Variants in BAZ2B observed in about 807,000 individuals in gnomAD.
The protein encoded by BAZ2B is bromodomain adjacent to zinc finger domain 2B.
A neutral mutation model predicts 246.0 loss-of-function variants in BAZ2B; 91 were observed. The ratio of observed to expected loss-of-function variants is 0.37; its 90% CI spans 0.31 to 0.44. The LOEUF (loss-of-function observed/expected upper bound fraction) is 0.44, where lower values mean the gene tolerates loss of function less well. Ranked by LOEUF, BAZ2B falls within the 20% of genes least tolerant of loss-of-function variation. The pLI is 1.00. For synonymous variants in BAZ2B, 855 were observed against 860.0 expected, an observed-to-expected ratio of 0.99 and a Z score of 0.10; for missense variants, 2,332 against 2,533.7, an observed-to-expected ratio of 0.92 and a Z score of 1.71.
intron 2 of BAZ2B, among the ~76,000 whole-genome samples, chr2:159,530,960 C>T (rs1291162680): frequency 1.3e-5 from 2 of 148,886 alleles, no homozygotes; most frequent in Non-Finnish European, 1.5e-5. Flanking sequence ...ACAGAGACTC[C>T]GTCTCAAAAC....
Position 159,332,906 on chromosome 2 carries a change from A to G in BAZ2B, c.5797-220T>C, listed in dbSNP as rs1010865316. On this transcript the variant is annotated intron_variant, in intron 33 of 36. Transcript: ENST00000392783. ...TGGGGTAAATGCACATTTCAAGTAC[A>G]CTGCAAAGAACAAAGCTAGAGGCAG... 9.8e-6 allele frequency: 5 copies of G among 508,550 alleles called. No homozygotes were observed. In the Admixed American group the frequency reaches 1.0e-4, roughly 10 times the overall value. The allele number at this position is 508,550 out of a possible 1,614,324, so 31.5% of individuals were successfully genotyped here.
chr2:159,329,829 T>C (rs2064402381), intron 34 of BAZ2B, among the ~76,000 whole-genome samples: 13 of 152,186 alleles, frequency 8.5e-5, no homozygotes, highest in Admixed American at 7.9e-4. Flanking sequence ...TGTCTCCAAG[T>C]TTACTGCTTG....
chr2:159,653,041 G>C, the BAZ2B span, among the ~76,000 whole-genome samples: 1 of 151,960 alleles, frequency 6.6e-6, no homozygotes, highest in Non-Finnish European at 1.5e-5. Flanking sequence ...GGGTTCAAGT[G>C]ATTCTCCTGC....
chr2:159,388,703 A>G (rs1005575392), intron 21 of BAZ2B, among the ~76,000 whole-genome samples: 8 of 134,072 alleles, frequency 6.0e-5, no homozygotes, highest in African/African-American at 1.5e-4. Context: ...AACATGTTCA[A>G]TAAAGGTTTG....
At chr2:159,678,399 T>C in the BAZ2B span, among the ~76,000 whole-genome samples, 3 of 152,230 alleles carry the variant, frequency 2.0e-5, no homozygotes, top group Non-Finnish European at 4.4e-5. Flanking sequence ...AAGTGCCTAA[T>C]TGCAATATAC....
At chr2:159,648,994 T>A in the BAZ2B span, among the ~76,000 whole-genome samples, 2 of 152,182 alleles carry the variant, frequency 1.3e-5, no homozygotes, top group Non-Finnish European at 2.9e-5. Flanking sequence ...GGGTAGTTTG[T>A]TTTTTAAATT....
In BAZ2B at chr2:159,446,762, T is replaced by C; in HGVS notation, c.696+20A>G. 6.3e-7 allele frequency: 1 copy of C among 1,581,616 alleles called. No individual in the cohort carries two copies. Among genetic ancestry groups the C allele is most frequent in the Non-Finnish European group, 8.6e-7 (1 of 1,165,084 alleles). ...TATATATAGATCTGTTATATATTAG[T>C]CCTTCCAAGTACAACTTACCTTATC... On this transcript the variant is annotated intron_variant, in intron 6 of 36. Coordinates refer to ENST00000392783, the MANE Select transcript of BAZ2B (RefSeq NM_013450.4).
intron 6 of BAZ2B, among the ~76,000 whole-genome samples, chr2:159,443,218 A>C (rs1324510565): frequency 1.3e-5 from 2 of 152,238 alleles, no homozygotes; most frequent in Non-Finnish European, 2.9e-5. Context: ...TGTGGTAAGA[A>C]TAACTTGTAC....
At chr2:159,447,007 T>C in intron 5 of BAZ2B, 32 bp from the exon 6 acceptor site, 1 of 1,418,422 alleles carries the variant, frequency 7.1e-7, no homozygotes, top group East Asian at 2.4e-5. Context: ...GTTTATACAA[T>C]GGAATATTAT....
chr2:159,343,187 A>G (rs879586171), intron 31 of BAZ2B, among the ~76,000 whole-genome samples: 6 of 152,208 alleles, frequency 3.9e-5, no homozygotes, highest in Admixed American at 6.5e-5. Flanking sequence ...TCTTCAATAA[A>G]TGGTGCCAGG....
chr2:159,366,963 A>G (rs2060283569), intron 27 of BAZ2B, among the ~76,000 whole-genome samples: 1 of 151,388 alleles, frequency 6.6e-6, no homozygotes, highest in South Asian at 2.1e-4. Flanking sequence ...CTAAATGGGC[A>G]TGGGGGCTCT....
the BAZ2B span, among the ~76,000 whole-genome samples, chr2:159,653,326 C>A: frequency 1.3e-5 from 2 of 152,118 alleles, no homozygotes; most frequent in African/African-American, 4.8e-5. Flanking sequence ...TCAATAAACA[C>A]GTGATATTAC....
intron 3 of BAZ2B, among the ~76,000 whole-genome samples, chr2:159,465,612 G>A (rs2076936550): frequency 6.6e-6 from 1 of 152,134 alleles, no homozygotes; most frequent in African/African-American, 2.4e-5. Flanking sequence ...CTGCAAAAAA[G>A]GCTAGACAGT....
chr2:159,516,352 C>T (rs1261004205), intron 2 of BAZ2B: 1 of 152,018 alleles, frequency 6.6e-6, no homozygotes, highest in Non-Finnish European at 1.5e-5. Flanking sequence ...TCCAAAACAA[C>T]AAGCCGTGAT....
At chr2:159,691,895 T>C in the BAZ2B span, among the ~76,000 whole-genome samples, 6 of 152,332 alleles carry the variant, frequency 3.9e-5, no homozygotes, top group East Asian at 3.9e-4. Flanking sequence ...ACAATAGCAA[T>C]AGGAAGCAGC....
chr2:159,626,384 C>T, the BAZ2B span, among the ~76,000 whole-genome samples: 1 of 152,162 alleles, frequency 6.6e-6, no homozygotes, highest in East Asian at 1.9e-4. Flanking sequence ...TTCTTCTCAG[C>T]ACCACATCAC....
intron 2 of BAZ2B, among the ~76,000 whole-genome samples, chr2:159,483,627 A>G (rs1178469398): frequency 6.6e-6 from 1 of 152,114 alleles, no homozygotes; most frequent in Non-Finnish European, 1.5e-5. Context: ...AAATACAAAA[A>G]TTAGCAAGAC....
rs201852810 is a variant in BAZ2B at position 159,430,815 on chromosome 2, C to T, written c.2194+48G>A. 4.1e-4 allele frequency: 637 copies of T among 1,556,438 alleles called. 3 individuals are homozygous for T. In the Middle Eastern group the frequency reaches 9.1e-3, roughly 22 times the overall value. On this transcript the variant is annotated intron_variant, in intron 10 of 36. Coordinates refer to ENST00000392783, the MANE Select transcript of BAZ2B (RefSeq NM_013450.4). ...ACACTCTTATCAATAAAAATTCTTGCTATGGTTTGACTTCTACTTTAGAAT... is the reference window on the plus strand; with the variant it reads ...ACACTCTTATCAATAAAAATTCTTGTTATGGTTTGACTTCTACTTTAGAAT...
intron 2 of BAZ2B, among the ~76,000 whole-genome samples, chr2:159,551,414 G>A (rs2088210755): frequency 6.8e-6 from 1 of 146,660 alleles, no homozygotes; most frequent in South Asian, 2.1e-4. Context: ...CCTGGCAGTG[G>A]GCCAAGACTA....
Sources: gnomAD v4.1 joint callset for allele counts (sites outside exome capture counted in the v4.1 genomes callset) on GRCh38, gnomAD v4.1.1 for gene constraint, MANE v1.5 for transcripts, NCBI Gene and HGNC (gene_info 2026-07-23, HGNC 2026-07-21) for gene names.